The following KLF5 variants were observed in gnomAD, a reference collection of about 807,000 sequenced individuals.
KLF5 encodes Krueppel-like factor 5.
A neutral mutation model predicts 36.9 loss-of-function variants in KLF5; 9 were observed. The observed-to-expected ratio is 0.24, with a 90% CI of 0.15 to 0.43. The LOEUF is 0.43. KLF5 is among the 20% of genes least tolerant of loss of function. KLF5 has a pLI of 1.00. For synonymous variants in KLF5, 246 were observed against 241.7 expected (o/e 1.02, Z -0.17); for missense variants, 524 against 599.5 (o/e 0.87, Z 1.31).
At chr13:73,075,276 C>T (rs903144582) in intron 3 of KLF5, among the ~76,000 whole-genome samples, 8 of 152,174 alleles carry the variant, frequency 5.3e-5, no homozygotes, top group Admixed American at 5.2e-4. Flanking sequence ...TCCTCCCTCA[C>T]CCACCTTACA....
In KLF5 at chr13:73,075,964, CA is replaced by C; in HGVS notation, c.*83del. 1 of 1,069,736 alleles carries C rather than the reference CA, an allele frequency of 9.3e-7. No homozygotes were observed. Among genetic ancestry groups the C allele is most frequent in the Non-Finnish European group, 1.2e-6 (1 of 828,942 alleles). 66.3% of individuals were successfully genotyped at this position (1,069,736 alleles called of 1,614,324 possible). A position where few individuals can be genotyped will look rare whatever the true frequency, so the allele number is the denominator to read the frequency against. Reference sequence around the variant, plus strand: ...CCTAACTATTCCTGTGTAAAAACAACAAAAACAAACAAAAGCAAGAAAACCA... The same window carrying C: ...CCTAACTATTCCTGTGTAAAAACAACAAAACAAACAAAAGCAAGAAAACCA... On this transcript the variant is annotated 3_prime_UTR_variant, in exon 4 of 4. Transcript: ENST00000377687.
intron 3 of KLF5, among the ~76,000 whole-genome samples, chr13:73,067,745 A>G (rs1290395194): frequency 6.6e-6 from 1 of 152,166 alleles, no homozygotes; most frequent in Non-Finnish European, 1.5e-5. Context: ...AGAGTGGCTT[A>G]CTGGAGATTG....
chr13:73,069,430 T>C (rs2139113817), intron 3 of KLF5, among the ~76,000 whole-genome samples: 1 of 152,362 alleles, frequency 6.6e-6, no homozygotes. Flanking sequence ...ATTTGAAAAC[T>C]ATTGCAGAGG....
chr13:73,066,325 T>G (rs558933849), intron 3 of KLF5, among the ~76,000 whole-genome samples: 1 of 152,026 alleles, frequency 6.6e-6, no homozygotes, highest in African/African-American at 2.4e-5. Flanking sequence ...AAAGGTGTTT[T>G]TTTTTTTTCT....
chr13:73,059,331 G>T lies in KLF5; in HGVS notation c.4G>T (p.Ala2Ser). M[A>S]TRVLSMSARL... Reference sequence around the variant, plus strand: ...GGAGCTGCGCCCCCGAGTGCCCATGGCTACAAGGGTGCTGAGCATGAGCGC... The same window carrying T: ...GGAGCTGCGCCCCCGAGTGCCCATGTCTACAAGGGTGCTGAGCATGAGCGC... The change falls in exon 1 of 4, where the codon GCT becomes TCT. Residue 2 changes from alanine (A) to serine (S), a missense_variant. Ala to Ser is a moderately conservative substitution (Grantham distance 99). Transcript: ENST00000377687. The T allele has an allele frequency of 7.2e-7, 1 of 1,396,714 alleles. No individual in the cohort carries two copies. The highest frequency in any genetic ancestry group is 1.5e-5 in the South Asian group (1 of 66,508). 86.5% of individuals were successfully genotyped at this position (1,396,714 alleles called of 1,614,324 possible). A position where few individuals can be genotyped will look rare whatever the true frequency, so the allele number is the denominator to read the frequency against.
upstream of KLF5, among the ~76,000 whole-genome samples, chr13:73,055,408 CTTAT>C (rs2044577454): frequency 5.3e-5 from 8 of 152,092 alleles, no homozygotes; most frequent in South Asian, 1.7e-3. Context: ...AGTATTTAGT[CTTAT>C]TTAAACTGCA....
In KLF5 at chr13:73,061,904, C is replaced by T; in HGVS notation, c.305C>T (p.Pro102Leu). ...MEKYLTPQLP[P>L]VPIIPEHKKY... ...AAGTATCTGACACCTCAGCTTCCTC[C>T]AGTTCCTATAATTCCAGAGCATAAA... is the stretch of plus-strand genomic sequence containing the variant. The change falls in exon 2 of 4, where the codon CCA becomes CTA. Residue 102 changes from proline (P) to leucine (L), a missense_variant. Pro to Leu is a moderately conservative substitution (Grantham distance 98, BLOSUM62 -3). This residue lies in a region of KLF5 where 454 missense variants were observed against 458.1 expected (regional missense o/e 0.99). Coordinates refer to ENST00000377687, the MANE Select transcript of KLF5 (RefSeq NM_001730.5). The T allele has an allele frequency of 6.2e-7, 1 of 1,613,954 alleles. No individual in the cohort carries two copies. Among genetic ancestry groups the T allele is most frequent in the Non-Finnish European group, 8.5e-7 (1 of 1,179,846 alleles).
chr13:73,061,843 A>C lies in KLF5; in HGVS notation c.262-18A>C, dbSNP rs887528318. The C allele has an allele frequency of 6.2e-7, 1 of 1,604,434 alleles. No homozygotes were observed. Among genetic ancestry groups the C allele is most frequent in the African/African-American group, 1.3e-5 (1 of 74,556 alleles). On this transcript the variant is annotated intron_variant, in intron 1 of 3. Transcript: ENST00000377687. The stretch of plus-strand genomic sequence containing the variant: ...GTGAATCAGGTGGATTATGCATTTT[A>C]TATCTCTTCTTTTTTAGACAAGATG...
intron 3 of KLF5, among the ~76,000 whole-genome samples, chr13:73,075,468 A>C (rs991684529): frequency 1.3e-5 from 2 of 152,178 alleles, no homozygotes; most frequent in African/African-American, 4.8e-5. Context: ...TCAGTTGTTC[A>C]AAGGTACACA....
Position 73,062,673 on chromosome 13 carries a change from A to G in KLF5, c.1074A>G (p.Arg358=), listed in dbSNP as rs750002233. ...PVNSQNIQPV[R]YNRRSNPDLE... ...ACTCACAAAACATCCAACCTGTCAG[A>G]TACAATAGAAGGAGTAACCCCGATT... Residue 358 remains arginine, a synonymous_variant, in exon 2 of 4, where the codon AGA becomes AGG. Transcript: ENST00000377687. 6.2e-7 allele frequency: 1 copy of G among 1,614,184 alleles called. No homozygotes were observed.
intron 2 of KLF5, among the ~76,000 whole-genome samples, chr13:73,063,079 A>G (rs1012228082): frequency 1.6e-4 from 25 of 152,254 alleles, no homozygotes; most frequent in Admixed American, 1.5e-3. Flanking sequence ...GAGTTAGGCC[A>G]GAGTTACTTT....
In KLF5 at chr13:73,059,383, C is replaced by CGGCGCCGCA; in HGVS notation, c.59_67dup (p.Ala20_Gln22dup). 3 of 1,408,124 alleles carry CGGCGCCGCA rather than the reference C, an allele frequency of 2.1e-6. No homozygotes were observed. Among genetic ancestry groups the CGGCGCCGCA allele is most frequent in the Non-Finnish European group, 2.8e-6 (3 of 1,081,864 alleles). The allele number at this position is 1,408,124 out of a possible 1,614,324, so 87.2% of individuals were successfully genotyped here. ...CGCCTGGGACCCGTGCCCCAGCCGC[C>CGGCGCCGCA]GGCGCCGCAGGACGAGCCGGTGTTC... On this transcript the variant is annotated inframe_insertion, in exon 1 of 4. Coordinates refer to ENST00000377687, the MANE Select transcript of KLF5 (RefSeq NM_001730.5).
In KLF5 at chr13:73,076,802, G is replaced by A. The variant is rs1461314484; in HGVS notation, c.*916G>A. On this transcript the variant is annotated 3_prime_UTR_variant, in exon 4 of 4. Coordinates refer to ENST00000377687, the MANE Select transcript of KLF5 (RefSeq NM_001730.5). ...GACTTAGGGTGTCGTTTTCACATAT[G>A]ACAATGTTGCATTTATGATGCAGTT... 6.6e-6 allele frequency: 1 copy of A among 152,168 alleles called. No homozygotes were observed. Among genetic ancestry groups the A allele is most frequent in the Admixed American group, 6.5e-5 (1 of 15,270 alleles). The allele number at this position is 152,168 out of a possible 1,614,324, so 9.4% of individuals were successfully genotyped here.
intron 3 of KLF5, among the ~76,000 whole-genome samples, chr13:73,071,692 A>G (rs1221892078): frequency 6.6e-6 from 1 of 152,224 alleles, no homozygotes; most frequent in African/African-American, 2.4e-5. Context: ...AAATGATGGG[A>G]AAAATCTAAT....
In KLF5 at chr13:73,062,374, G is replaced by T; in HGVS notation, c.775G>T (p.Ala259Ser). 6.2e-7 allele frequency: 1 copy of T among 1,614,154 alleles called. No individual in the cohort carries two copies. The highest frequency in any genetic ancestry group is 8.5e-7 in the Non-Finnish European group (1 of 1,180,036). ...CACTCTTAATGTTTCTATGTCAGCT[G>T]CCATGGCAGGCCTTAACACACACAC... ...MDTLNVSMSA[A>S]MAGLNTHTSA... The change falls in exon 2 of 4, where the codon GCC becomes TCC. Residue 259 changes from alanine (A) to serine (S), a missense_variant. Ala to Ser is a moderately conservative substitution (Grantham distance 99, BLOSUM62 1). Coordinates refer to ENST00000377687, the MANE Select transcript of KLF5 (RefSeq NM_001730.5).
chr13:73,066,333 TCTTTCC>T (rs2044679846), intron 3 of KLF5, among the ~76,000 whole-genome samples: 1 of 151,980 alleles, frequency 6.6e-6, no homozygotes, highest in Non-Finnish European at 1.5e-5. Context: ...TTTTTTTTTT[TCTTTCC>T]CTTTAAGGCC....
rs901029967 is a variant in KLF5 at position 73,076,202 on chromosome 13, A to G, written c.*316A>G. The G allele has an allele frequency of 8.5e-6, 2 of 235,738 alleles. No homozygotes were observed. The highest frequency in any genetic ancestry group is 1.6e-5 in the Non-Finnish European group (2 of 123,136). The allele number at this position is 235,738 out of a possible 1,614,324, so 14.6% of individuals were successfully genotyped here. A position where few individuals can be genotyped will look rare whatever the true frequency, so the allele number is the denominator to read the frequency against. ...GGGAGTGTGTGCAGCGTTTTTACCT[A>G]GGCACCATCATTTAATGTGACAGTG... On this transcript the variant is annotated 3_prime_UTR_variant, in exon 4 of 4. Transcript: ENST00000377687.
chr13:73,058,891 G>C (rs986814056), upstream of KLF5: 1 of 154,110 alleles, frequency 6.5e-6, no homozygotes, highest in Non-Finnish European at 1.4e-5. Context: ...TAGGCTGGCC[G>C]CTCAGGCCTG....
At chr13:73,063,658 A>G (rs2139106559) in intron 2 of KLF5, among the ~76,000 whole-genome samples, 166 bp from the exon 3 acceptor site, 1 of 152,340 alleles carries the variant, frequency 6.6e-6, no homozygotes, top group Non-Finnish European at 1.5e-5. Context: ...TGCCTTTAAT[A>G]AGGTAATGGG....
Sources: gnomAD v4.1 joint callset for allele counts (sites outside exome capture counted in the v4.1 genomes callset) on GRCh38, gnomAD v4.1.1 for gene constraint, gnomAD v4.1.1 regional missense constraint, MANE v1.5 for transcripts, NCBI Gene and HGNC (gene_info 2026-07-23, HGNC 2026-07-21) for gene names.